IFNLR1: variants seen among roughly 807,000 people sequenced by gnomAD.
The protein encoded by IFNLR1 is interferon lambda receptor 1, also known as CRF2-12.
In IFNLR1, 28 loss-of-function variants were observed where a neutral mutation model predicts 52.5. The observed-to-expected ratio is 0.53, with a 90% CI of 0.40 to 0.73. The LOEUF (loss-of-function observed/expected upper bound fraction) is 0.73, where lower values mean the gene tolerates loss of function less well. IFNLR1 is among the 30% of genes least tolerant of loss of function. The pLI is 0.00. For synonymous variants in IFNLR1, 276 were observed against 274.9 expected, an observed-to-expected ratio of 1.00 and a Z score of -0.04; for missense variants, 623 against 659.1, an observed-to-expected ratio of 0.95 and a Z score of 0.60.
intron 1 of IFNLR1, among the ~76,000 whole-genome samples, chr1:24,184,600 G>A (rs1189841513): frequency 6.6e-6 from 1 of 152,198 alleles, no homozygotes; most frequent in African/African-American, 2.4e-5. Context: ...AAACCCAGGT[G>A]TCTTTGACTG....
At chr1:24,159,720 T>C (rs892409112) in intron 4 of IFNLR1, 87 bp from the exon 5 acceptor site, 10 of 1,194,880 alleles carry the variant, frequency 8.4e-6, no homozygotes, top group African/African-American at 1.7e-5. Context: ...GCAGACATGG[T>C]AGGGTGTTTT....
At chr1:24,161,823 T>C in intron 3 of IFNLR1, 139 bp from the exon 4 acceptor site, 1 of 803,508 alleles carries the variant, frequency 1.2e-6, no homozygotes, top group Non-Finnish European at 1.9e-6. Context: ...CACCTTATAA[T>C]CTGTTATTTC....
At chr1:24,173,002 A>C (rs1054453656) in intron 2 of IFNLR1, among the ~76,000 whole-genome samples, 8 of 152,084 alleles carry the variant, frequency 5.3e-5, no homozygotes, top group African/African-American at 1.9e-4. Context: ...ACCTCCTTAA[A>C]GGCTCATCTC....
chr1:24,177,614 T>C (rs917494475), intron 2 of IFNLR1, among the ~76,000 whole-genome samples: 6 of 152,138 alleles, frequency 3.9e-5, no homozygotes, highest in Middle Eastern at 6.3e-3. Flanking sequence ...GGACGAGTCT[T>C]CCATTCCCAG....
At chr1:24,185,802 C>G (rs531480599) in intron 1 of IFNLR1, among the ~76,000 whole-genome samples, 2 of 152,190 alleles carry the variant, frequency 1.3e-5, no homozygotes, top group African/African-American at 4.8e-5. Flanking sequence ...CTCTATGAAG[C>G]CTTCAAAGGA....
chr1:24,159,886 A>G (rs918163422), intron 4 of IFNLR1, among the ~76,000 whole-genome samples: 1 of 151,796 alleles, frequency 6.6e-6, no homozygotes, highest in African/African-American at 2.4e-5. Context: ...TAGGGACTAC[A>G]GATCCACACC....
chr1:24,180,674 CAGCCCCCA>C, intron 2 of IFNLR1, 49 bp downstream of exon 2: 1 of 1,108,644 alleles, frequency 9.0e-7, no homozygotes. Context: ...GAAGCCCCTC[CAGCCCCCA>C]CCCACCCCCT....
intron 1 of IFNLR1, 24 bp downstream of exon 1, chr1:24,187,167 C>G: frequency 2.2e-5 from 30 of 1,356,212 alleles, no homozygotes; most frequent in Non-Finnish European, 2.5e-5. Context: ...CTTCCCCCTC[C>G]CTCCCGCGGC....
Position 24,157,453 on chromosome 1 carries a change from G to A in IFNLR1, c.1240C>T (p.Gln414Ter). ...SGYLAEKGPG[Q>*]GPGGDGHQES... is the part of the protein sequence containing the mutation. ...TGGTGCCCATCCCCACCCGGCCCTT[G>A]GCCTGGCCCCTTCTCAGCCAAATAG... Residue 414 changes from glutamine (Q) to a stop codon, truncating the protein, a stop_gained, in exon 7 of 7, where the codon CAA becomes TAA. Transcript: ENST00000327535. LOFTEE classifies it high-confidence loss of function. This position sits in a 1 kb window ranked among gnomAD's most constrained non-coding sequence, Gnocchi z 5.1. 6.2e-7 allele frequency: 1 copy of A among 1,614,060 alleles called. No homozygotes were observed. Among genetic ancestry groups the A allele is most frequent in the Non-Finnish European group, 8.5e-7 (1 of 1,179,964 alleles).
intron 3 of IFNLR1, among the ~76,000 whole-genome samples, chr1:24,162,778 T>TTCTTTC (rs759608863): frequency 2.9e-5 from 1 of 33,950 alleles, no homozygotes; most frequent in African/African-American, 1.3e-4. Flanking sequence ...CTTTCTTTCT[T>TTCTTTC]TTTCTTTCTT....
chr1:24,158,788 T>G (rs2148585524), intron 6 of IFNLR1, among the ~76,000 whole-genome samples: 1 of 152,342 alleles, frequency 6.6e-6, no homozygotes, highest in East Asian at 1.9e-4. Flanking sequence ...GGCTCTGCTC[T>G]CAGCAGCTGA....
chr1:24,179,631 G>A (rs3893321), intron 2 of IFNLR1, among the ~76,000 whole-genome samples: 14,594 of 152,142 alleles, frequency 0.096, 1,929 homozygotes, highest in African/African-American at 0.3. Flanking sequence ...GCTCCATGAC[G>A]TCCTTCCTCA....
rs1161554194 is a variant in IFNLR1, at chr1:24,159,152, G to A, written c.701C>T (p.Ser234Leu). 3 of 1,613,994 alleles carry A rather than the reference G, an allele frequency of 1.9e-6. No homozygotes were observed. In the Admixed American group the frequency reaches 5.0e-5, roughly 27 times the overall value. The change falls in exon 6 of 7, where the codon TCG becomes TTG. Residue 234 changes from serine (S) to leucine (L), a missense_variant. By Grantham distance (145) the Ser-to-Leu change is moderately radical. Coordinates refer to ENST00000327535, the MANE Select transcript of IFNLR1 (RefSeq NM_170743.4). ...EANWAFLVLPSLLILLLVIAA... is the reference protein window; with the variant it reads ...EANWAFLVLPLLLILLLVIAA... ...AATTACTAACAGCAGTATCAGAAGC[G>A]ATGGCAGCACCAGGAAAGCCCAGTT...
At chr1:24,162,592 T>C (rs1462721222) in intron 3 of IFNLR1, among the ~76,000 whole-genome samples, 2 of 152,218 alleles carry the variant, frequency 1.3e-5, no homozygotes, top group African/African-American at 2.4e-5. Context: ...TCCAAGAGCA[T>C]GGCACTGGCA....
intron 4 of IFNLR1, among the ~76,000 whole-genome samples, chr1:24,160,284 A>C (rs1272678528): frequency 6.6e-6 from 1 of 152,214 alleles, no homozygotes; most frequent in African/African-American, 2.4e-5. Flanking sequence ...ACGCGTGACT[A>C]CTGAGTATGT....
intron 3 of IFNLR1, among the ~76,000 whole-genome samples, chr1:24,162,985 G>T (rs570970030): frequency 4.0e-5 from 4 of 100,664 alleles, no homozygotes; most frequent in Non-Finnish European, 5.7e-5. Context: ...TTTTGAGACA[G>T]AGTCTTGCTC....
Position 24,157,011 on chromosome 1 carries a change from A to G in IFNLR1, c.*119T>C. On this transcript the variant is annotated 3_prime_UTR_variant, in exon 7 of 7. Coordinates refer to ENST00000327535, the MANE Select transcript of IFNLR1 (RefSeq NM_170743.4). This position sits in a 1 kb window ranked among gnomAD's most constrained non-coding sequence, Gnocchi z 5.1. ...ACAGCCGCTAGGTGGACTTCCCGGA[A>G]GTGCAATGCCCCTCCGCCGCCCAGG... 1 of 1,186,764 alleles carries G rather than the reference A, an allele frequency of 8.4e-7. No individual in the cohort carries two copies. The highest frequency in any genetic ancestry group is 1.2e-6 in the Non-Finnish European group (1 of 841,306). 73.5% of individuals were successfully genotyped at this position (1,186,764 alleles called of 1,614,324 possible).
intron 2 of IFNLR1, 24 bp downstream of exon 2, chr1:24,180,707 A>T: frequency 1.1e-6 from 1 of 923,262 alleles, no homozygotes; most frequent in Non-Finnish European, 1.4e-6. Flanking sequence ...CTTCCCATCC[A>T]CCAGCCGAGA....
chr1:24,186,193 T>G (rs1007014307), intron 1 of IFNLR1, among the ~76,000 whole-genome samples: 6 of 151,872 alleles, frequency 4.0e-5, no homozygotes, highest in African/African-American at 1.4e-4. Flanking sequence ...GGCTGGAGCA[T>G]CCCTGGCTGG....
Sources: gnomAD v4.1 joint callset for allele counts (sites outside exome capture counted in the v4.1 genomes callset) on GRCh38, gnomAD v4.1.1 for gene constraint, Gnocchi (gnomAD v3.1) non-coding constraint, MANE v1.5 for transcripts, NCBI Gene and HGNC (gene_info 2026-07-23, HGNC 2026-07-21) for gene names.